The following CUX1 variants were observed in gnomAD, a reference collection of about 807,000 sequenced individuals.
CUX1 encodes the protein cut like homeobox 1, also known as protein CASP.
Under a neutral mutation model 158.8 loss-of-function variants are expected in CUX1, and 31 were observed. The ratio of observed to expected loss-of-function variants is 0.20; its 90% confidence interval spans 0.15 to 0.26. CUX1 has a LOEUF of 0.26. CUX1 is among the 10% of genes least tolerant of loss of function. CUX1 has a pLI of 1.00. For missense variants in CUX1, 1,589 were observed against 2,014.6 expected (o/e 0.79, Z 4.04); for synonymous variants, 879 against 862.1 (o/e 1.02, Z -0.34).
Position 102,257,896 on chromosome 7 carries a change from G to T in CUX1, c.*8854G>T, listed in dbSNP as rs373554210. ...AAGAAAAAAGGAAAAAAAAAAAGTC[G>T]TCTTTTTTTTTTTTTTTTGTACAAA... On this transcript the variant is annotated 3_prime_UTR_variant, in exon 24 of 24. Transcript: ENST00000292535. The T allele has an allele frequency of 2.1e-6, 2 of 971,344 alleles. No homozygotes were observed. The highest frequency in any genetic ancestry group is 1.9e-5 in the African/African-American group (1 of 52,730). 60.2% of individuals were successfully genotyped at this position (971,344 alleles called of 1,614,324 possible).
chr7:102,181,969 C>A (rs1793133557), intron 11 of CUX1, among the ~76,000 whole-genome samples: 1 of 152,218 alleles, frequency 6.6e-6, no homozygotes, highest in African/African-American at 2.4e-5. Flanking sequence ...GGGAACCCTG[C>A]CCCCGCAGTC....
intron 14 of CUX1, 118 bp downstream of exon 14, chr7:102,195,721 A>T (rs1027621060): frequency 4.4e-5 from 40 of 906,922 alleles, no homozygotes; most frequent in Non-Finnish European, 6.1e-5. Context: ...GCGCCGGTTG[A>T]CGAGAACCTT....
At chr7:102,005,851 C>G (rs530907613) in intron 2 of CUX1, among the ~76,000 whole-genome samples, 1 of 152,122 alleles carries the variant, frequency 6.6e-6, no homozygotes, top group Non-Finnish European at 1.5e-5. Context: ...TAGGCCCTTT[C>G]GATGAAGTAA....
chr7:102,229,333 C>T (rs1267975756), intron 21 of CUX1, among the ~76,000 whole-genome samples: 2 of 147,900 alleles, frequency 1.4e-5, no homozygotes, highest in African/African-American at 5.0e-5. Context: ...GATGGAGCCT[C>T]ACTCTGTCGC....
intron 1 of CUX1, among the ~76,000 whole-genome samples, chr7:101,831,188 CTGT>C (rs751649121): frequency 5.3e-5 from 8 of 152,094 alleles, no homozygotes; most frequent in South Asian, 2.1e-4. Context: ...CTTCCTTAGG[CTGT>C]TGTTGAGCAT....
At chr7:102,027,013 G>C (rs531525673) in intron 2 of CUX1, among the ~76,000 whole-genome samples, 1 of 152,148 alleles carries the variant, frequency 6.6e-6, no homozygotes, top group East Asian at 1.9e-4. Context: ...GGCACTGGTG[G>C]CATGGGATAA....
intron 2 of CUX1, among the ~76,000 whole-genome samples, chr7:101,919,703 G>A (rs1420991769): frequency 2.0e-5 from 3 of 152,234 alleles, no homozygotes; most frequent in Admixed American, 2.0e-4. Flanking sequence ...GGGAGGATTA[G>A]GCACCCGCGA....
intron 5 of CUX1, among the ~76,000 whole-genome samples, chr7:102,101,805 G>T (rs1401964280): frequency 6.6e-6 from 1 of 152,030 alleles, no homozygotes; most frequent in African/African-American, 2.4e-5. Flanking sequence ...CCAGCTCTTC[G>T]GGAGACTGAG....
At chr7:102,188,450 C>A (rs528875448) in intron 11 of CUX1, 1 of 152,152 alleles carries the variant, frequency 6.6e-6, no homozygotes, top group Non-Finnish European at 1.5e-5. Context: ...GAAAGCACCC[C>A]CTACGACCAC....
chr7:102,016,567 A>G (rs1818615733), intron 2 of CUX1, among the ~76,000 whole-genome samples: 1 of 152,198 alleles, frequency 6.6e-6, no homozygotes, highest in Non-Finnish European at 1.5e-5. Flanking sequence ...AGCCATGACC[A>G]CACCCCTGCA....
rs782811855 is a variant in CUX1 at position 102,193,908 on chromosome 7, A to G, written c.1125+18A>G. The G allele has an allele frequency of 1.2e-5, 20 of 1,613,436 alleles. No homozygotes were observed. In the East Asian group the frequency reaches 3.1e-4, roughly 25 times the overall value. ...GGACACAGGTACGTGTCTCACCTCA[A>G]TGGTCAGCACTAGCATCAGCCCCGC... On this transcript the variant is annotated intron_variant, in intron 13 of 23. Transcript: ENST00000292535.
chr7:101,984,242 G>A (rs1813974550), intron 2 of CUX1, among the ~76,000 whole-genome samples: 2 of 147,000 alleles, frequency 1.4e-5, no homozygotes, highest in Non-Finnish European at 3.0e-5. Context: ...CATTGAATAT[G>A]GGCCCATGTT....
chr7:101,840,609 T>C (rs1795114060), intron 1 of CUX1, among the ~76,000 whole-genome samples: 1 of 152,204 alleles, frequency 6.6e-6, no homozygotes, highest in Non-Finnish European at 1.5e-5. Context: ...TTTAAAAATA[T>C]TGTTGGATTT....
Position 101,939,058 on chromosome 7 carries a change from CATATATAT to C in CUX1, c.141+22882_141+22889del, listed in dbSNP as rs58303224. 5.0e-3 allele frequency among the ~76,000 whole-genome samples: 265 copies of C among 52,546 alleles called. 3 individuals are homozygous for C. Among genetic ancestry groups the C allele is most frequent in the Middle Eastern group, 0.012 (1 of 86 alleles). 34.5% of individuals were successfully genotyped at this position (52,546 alleles called of 152,430 possible). A position where few individuals can be genotyped will look rare whatever the true frequency, so the allele number is the denominator to read the frequency against. On this transcript the variant is annotated intron_variant, in intron 2 of 23. Coordinates refer to ENST00000292535, the MANE Select transcript of CUX1 (RefSeq NM_181552.4). The stretch of plus-strand genomic sequence containing the variant: ...CTCTGTCTCAAAAAAAAAAAAAATA[CATATATAT>C]ATATATATATATATATATATATATA...
intron 1 of CUX1, among the ~76,000 whole-genome samples, chr7:101,897,071 C>T (rs1020547682): frequency 6.6e-6 from 1 of 152,216 alleles, no homozygotes. Context: ...CCCATTTACT[C>T]CCTCTTATTA....
chr7:102,235,785 C>T (rs1799497651), intron 22 of CUX1, among the ~76,000 whole-genome samples: 1 of 144,316 alleles, frequency 6.9e-6, no homozygotes, highest in African/African-American at 2.6e-5. Flanking sequence ...CCGCCACACA[C>T]ACACACACAC....
chr7:102,263,538 A>G (rs1482019807), intron 14 of CUX1, among the ~76,000 whole-genome samples: 4 of 150,874 alleles, frequency 2.7e-5, no homozygotes, highest in Non-Finnish European at 5.9e-5. Context: ...CTGGTCTCGA[A>G]CTCCTGACCT....
intron 2 of CUX1, among the ~76,000 whole-genome samples, chr7:101,940,857 G>A (rs1807623309): frequency 6.6e-6 from 1 of 152,188 alleles, no homozygotes; most frequent in Non-Finnish European, 1.5e-5. Context: ...TGGCACAGCT[G>A]TCTTGGCAAT....
rs182201856 is a variant in CUX1 at position 101,848,613 on chromosome 7, C to T, written c.30+30944C>T. 2.1e-4 allele frequency among the ~76,000 whole-genome samples: 32 copies of T among 152,124 alleles called. No individual in the cohort carries two copies. The East Asian group carries it at 5.2e-3, about 25-fold the overall frequency. On this transcript the variant is annotated intron_variant, in intron 1 of 23. Transcript: ENST00000292535. ...CCTCCATGGGGGCCAAATTTAGTTG[C>T]GAATTTGCCCACTTTTGTGCAGAGT...
Sources: allele counts gnomAD v4.1 joint callset (sites outside exome capture counted in the v4.1 genomes callset), GRCh38; gene constraint gnomAD v4.1.1; transcripts MANE v1.5; gene names NCBI Gene and HGNC (gene_info 2026-07-23, HGNC 2026-07-21).